CCDC178: variants seen among roughly 807,000 people sequenced by gnomAD.
CCDC178 encodes coiled-coil domain-containing protein 178.
A neutral mutation model predicts 117.4 loss-of-function variants in CCDC178; 126 were observed. That is an observed-to-expected ratio of 1.07 (90% CI 0.93 to 1.24). The LOEUF (loss-of-function observed/expected upper bound fraction) is 1.24, where lower values mean the gene tolerates loss of function less well. Ranked by LOEUF, CCDC178 falls within the 50% of genes most tolerant of loss-of-function variation. CCDC178 has a pLI of 0.00. For synonymous variants in CCDC178, 283 were observed against 313.4 expected, an observed-to-expected ratio of 0.90 and a Z score of 1.02; for missense variants, 1,030 against 986.9, an observed-to-expected ratio of 1.04 and a Z score of -0.59.
intron 21 of CCDC178, among the ~76,000 whole-genome samples, chr18:32,998,138 T>C (rs1282061312): frequency 6.6e-6 from 1 of 152,148 alleles, no homozygotes; most frequent in Non-Finnish European, 1.5e-5. Flanking sequence ...GCAGCAGCCA[T>C]GTGGTGAAGA....
intron 11 of CCDC178, among the ~76,000 whole-genome samples, chr18:33,314,226 A>G (rs8096597): frequency 0.068 from 9,423 of 138,138 alleles, 415 homozygotes; most frequent in Non-Finnish European, 0.09. Flanking sequence ...AAAAAAAAAA[A>G]AAAAAAAGAA....
At chr18:33,237,697 A>G (rs1391463798) in intron 15 of CCDC178, among the ~76,000 whole-genome samples, 3 of 152,184 alleles carry the variant, frequency 2.0e-5, no homozygotes, top group Non-Finnish European at 4.4e-5. Flanking sequence ...TGGGCATGAG[A>G]AACGGCCCCA....
intron 8 of CCDC178, 62 bp from the exon 9 acceptor site, chr18:33,346,473 A>G (rs1568165316): frequency 5.3e-6 from 5 of 952,022 alleles, no homozygotes; most frequent in Non-Finnish European, 1.6e-6. Flanking sequence ...GATGATGGGA[A>G]CATGGGCCTT....
At chr18:33,257,006 T>C (rs998530175) in intron 14 of CCDC178, among the ~76,000 whole-genome samples, 1 of 152,098 alleles carries the variant, frequency 6.6e-6, no homozygotes, top group Admixed American at 6.6e-5. Flanking sequence ...TGCTGATAAA[T>C]TAAGAACCTT....
intron 20 of CCDC178, among the ~76,000 whole-genome samples, chr18:33,175,515 G>A (rs75557156): frequency 1.3e-5 from 2 of 151,956 alleles, no homozygotes; most frequent in South Asian, 2.1e-4. Flanking sequence ...TCTCATTATT[G>A]CAGATTTTAA....
chr18:33,131,227 G>A (rs1833666110), intron 20 of CCDC178, among the ~76,000 whole-genome samples: 1 of 151,794 alleles, frequency 6.6e-6, no homozygotes, highest in South Asian at 2.1e-4. Flanking sequence ...ATCGATTACT[G>A]TAGGTGCTCT....
intron 10 of CCDC178, among the ~76,000 whole-genome samples, chr18:33,331,451 G>T (rs753488109): frequency 6.6e-6 from 1 of 151,854 alleles, no homozygotes; most frequent in Non-Finnish European, 1.5e-5. Flanking sequence ...TCATATCAAG[G>T]TTGCTGGAAG....
intron 21 of CCDC178, among the ~76,000 whole-genome samples, chr18:33,015,989 C>T (rs779179555): frequency 1.3e-5 from 2 of 152,200 alleles, no homozygotes; most frequent in African/African-American, 2.4e-5. Flanking sequence ...TTAACAGAGC[C>T]TCTGAGAGTT....
In CCDC178 at chr18:33,380,870, G is replaced by A. The variant is rs534244232; in HGVS notation, c.208+8670C>T. On this transcript the variant is annotated intron_variant, in intron 5 of 22. Transcript: ENST00000383096. ...CAACTTTATTTGGTTTTAAACATTC[G>A]GATTTAGTCAAGGCCAACAAGCCAG... Among the ~76,000 whole-genome samples the A allele has an allele frequency of 1.4e-4, 22 of 152,176 alleles. No individual in the cohort carries two copies. In the South Asian group the frequency reaches 3.1e-3, roughly 22 times the overall value.
At chr18:33,153,386 G>A (rs1327917441) in intron 20 of CCDC178, among the ~76,000 whole-genome samples, 2 of 151,688 alleles carry the variant, frequency 1.3e-5, no homozygotes, top group African/African-American at 4.8e-5. Flanking sequence ...AATTAAAATT[G>A]AAAATAGGCA....
At chr18:33,351,807 C>T (rs1221407234) in intron 7 of CCDC178, among the ~76,000 whole-genome samples, 4 of 152,118 alleles carry the variant, frequency 2.6e-5, no homozygotes, top group Non-Finnish European at 5.9e-5. Flanking sequence ...CTGCCTTGGC[C>T]TCCCAAAGTA....
chr18:33,102,027 T>G (rs1457333771), intron 20 of CCDC178, among the ~76,000 whole-genome samples: 3 of 151,936 alleles, frequency 2.0e-5, no homozygotes, highest in African/African-American at 7.2e-5. Context: ...CTGATTATAT[T>G]ATATACAAAA....
At chr18:33,393,096 T>C (rs1387780782) in intron 4 of CCDC178, among the ~76,000 whole-genome samples, 5 of 152,124 alleles carry the variant, frequency 3.3e-5, no homozygotes, top group Non-Finnish European at 4.4e-5. Context: ...AAAAGAAAAG[T>C]AGACACCACA....
intron 4 of CCDC178, among the ~76,000 whole-genome samples, chr18:33,391,174 A>C (rs1411942119): frequency 1.3e-5 from 2 of 151,730 alleles, no homozygotes; most frequent in Admixed American, 1.3e-4. Flanking sequence ...TATTTTCTGA[A>C]AAAGAAAACT....
At chr18:33,013,428 A>T (rs1342419840) in intron 21 of CCDC178, among the ~76,000 whole-genome samples, 1 of 152,156 alleles carries the variant, frequency 6.6e-6, no homozygotes, top group East Asian at 1.9e-4. Context: ...ATAAAAGTTC[A>T]TCAGTATTTA....
At chr18:33,085,206 A>G (rs1021878944) in intron 21 of CCDC178, among the ~76,000 whole-genome samples, 2 of 152,240 alleles carry the variant, frequency 1.3e-5, no homozygotes, top group Non-Finnish European at 2.9e-5. Context: ...AAATATTAGT[A>G]GCCATATCTT....
chr18:33,229,320 T>G (rs1040871523), intron 15 of CCDC178, among the ~76,000 whole-genome samples: 1 of 152,172 alleles, frequency 6.6e-6, no homozygotes, highest in East Asian at 1.9e-4. Flanking sequence ...GGAACAGGAA[T>G]GACCTTAAGC....
At chr18:33,183,668 A>T (rs939124993) in intron 20 of CCDC178, among the ~76,000 whole-genome samples, 2 of 152,058 alleles carry the variant, frequency 1.3e-5, no homozygotes, top group Non-Finnish European at 2.9e-5. Flanking sequence ...CAACTCACAC[A>T]GCTCACTGAC....
intron 20 of CCDC178, among the ~76,000 whole-genome samples, chr18:33,119,254 C>T (rs1178839029): frequency 1.3e-5 from 2 of 152,056 alleles, no homozygotes; most frequent in Non-Finnish European, 2.9e-5. Context: ...AACAGGCAAC[C>T]CACAGAATGG....
Sources: allele counts gnomAD v4.1 joint callset (sites outside exome capture counted in the v4.1 genomes callset), GRCh38; gene constraint gnomAD v4.1.1; transcripts MANE v1.5; gene names NCBI Gene and HGNC (gene_info 2026-07-23, HGNC 2026-07-21).